DRD4: variants seen among roughly 807,000 people sequenced by gnomAD.
DRD4 encodes dopamine receptor D4.
DRD4 carries 26 observed loss-of-function variants against 22.1 expected under a neutral mutation model. The observed-to-expected ratio is 1.17, with a 90% CI of 0.86 to 1.63. The LOEUF (loss-of-function observed/expected upper bound fraction) is 1.63, where lower values mean the gene tolerates loss of function less well. Ranked by LOEUF, DRD4 falls within the 40% of genes most tolerant of loss-of-function variation. The pLI is 0.00. For missense variants in DRD4, 913 were observed against 632.4 expected, an observed-to-expected ratio of 1.44 and a Z score of -4.76; for synonymous variants, 455 against 306.7, an observed-to-expected ratio of 1.48 and a Z score of -5.05.
Position 640,090 on chromosome 11 carries a change from G to A in DRD4, c.841G>A (p.Ala281Thr), listed in dbSNP as rs3889692. 3.7e-5 allele frequency: 31 copies of A among 836,100 alleles called. 4 individuals are homozygous for A. In the South Asian group the frequency reaches 6.9e-4, roughly 19 times the overall value. The allele number at this position is 836,100 out of a possible 1,614,324, so 51.8% of individuals were successfully genotyped here. Reference protein sequence around the residue: ...RGPCGPDCAPAAPSLPQDPCG... With the variant: ...RGPCGPDCAPTAPSLPQDPCG... ...TCCCTGCGGCCCCGACTGTGCGCCC[G>A]CCGCGCCCAGCCTCCCCCAGGACCC... Residue 281 changes from alanine to threonine, a missense_variant, in exon 3 of 4, where the codon GCC becomes ACC. Transcript: ENST00000176183.
chr11:637,933 G>A (rs72844728), intron 1 of DRD4, among the ~76,000 whole-genome samples: 34,773 of 152,134 alleles, frequency 0.23, 4,491 homozygotes, highest in Middle Eastern at 0.34. Flanking sequence ...CACCTCCAGG[G>A]CAGCCAGCTG....
At chr11:639,320 C>G in intron 1 of DRD4, 113 bp from the exon 2 acceptor site, 1 of 1,011,588 alleles carries the variant, frequency 9.9e-7, no homozygotes. Flanking sequence ...CTCTGGCTCA[C>G]AGCCGGGCCC....
At position 639,522 on chromosome 11, in the gene DRD4, C is replaced by T. The variant is rs776407302; in HGVS notation, c.375C>T (p.Asn125=). The T allele has an allele frequency of 3.7e-5, 60 of 1,600,726 alleles. No homozygotes were observed. The highest frequency in any genetic ancestry group is 5.0e-5 in the Admixed American group (3 of 59,758). The change falls in exon 2 of 4, where the codon AAC becomes AAT. Residue 125 remains asparagine (N), a synonymous_variant. Transcript: ENST00000176183. ...DVMLCTASIF[N]LCAISVDRFV... ...TGCTGTGCACCGCCTCCATCTTCAA[C>T]CTGTGCGCCATCAGCGTGGACAGGT...
Position 637,350 on chromosome 11 carries a change from C to A in DRD4, c.46C>A (p.Arg16Ser). ...TADADGLLAGRGPAAGASAGA... is the reference protein window; with the variant it reads ...TADADGLLAGSGPAAGASAGA... ...GGACGCGGACGGGCTGCTGGCTGGG[C>A]GCGGGCCGGCCGCGGGGGCATCTGC... is the stretch of plus-strand genomic sequence containing the variant. The change falls in exon 1 of 4, where the codon CGC becomes AGC. Residue 16 changes from arginine to serine, a missense_variant. By Grantham distance (110) the Arg-to-Ser change is moderately radical. Coordinates refer to ENST00000176183, the MANE Select transcript of DRD4 (RefSeq NM_000797.4). 7.7e-7 allele frequency: 1 copy of A among 1,291,674 alleles called. No individual in the cohort carries two copies. Among genetic ancestry groups the A allele is most frequent in the Non-Finnish European group, 9.7e-7 (1 of 1,027,008 alleles). The allele number at this position is 1,291,674 out of a possible 1,614,324, so 80.0% of individuals were successfully genotyped here. A position where few individuals can be genotyped will look rare whatever the true frequency, so the allele number is the denominator to read the frequency against.
In DRD4 at chr11:637,545, C is replaced by T. The variant is rs766445930; in HGVS notation, c.241C>T (p.Leu81Phe). ...SFIVSLAAAD[L>F]LLALLVLPLF... ...CATCGTGAGCCTGGCGGCCGCCGACCTCCTCCTCGCTCTCCTGGTGCTGCC... is the reference window on the plus strand; with the variant it reads ...CATCGTGAGCCTGGCGGCCGCCGACTTCCTCCTCGCTCTCCTGGTGCTGCC... The change falls in exon 1 of 4, where the codon CTC becomes TTC. Residue 81 changes from leucine to phenylalanine, a missense_variant. By Grantham distance (22) the Leu-to-Phe change is conservative. Coordinates refer to ENST00000176183, the MANE Select transcript of DRD4 (RefSeq NM_000797.4). 1.3e-6 allele frequency: 2 copies of T among 1,523,522 alleles called. No individual in the cohort carries two copies. Among genetic ancestry groups the T allele is most frequent in the Non-Finnish European group, 1.8e-6 (2 of 1,125,852 alleles). 94.4% of individuals were successfully genotyped at this position (1,523,522 alleles called of 1,614,324 possible). A position where few individuals can be genotyped will look rare whatever the true frequency, so the allele number is the denominator to read the frequency against.
chr11:639,494 T>A lies in DRD4; in HGVS notation c.347T>A (p.Val116Asp), dbSNP rs761875546. The A allele has an allele frequency of 2.5e-6, 4 of 1,603,736 alleles. No homozygotes were observed. Among genetic ancestry groups the A allele is most frequent in the Non-Finnish European group, 3.4e-6 (4 of 1,179,046 alleles). The change falls in exon 2 of 4, where the codon GTC becomes GAC. Residue 116 changes from valine to aspartate, a missense_variant. Coordinates refer to ENST00000176183, the MANE Select transcript of DRD4 (RefSeq NM_000797.4). ...TGCGACGCCCTCATGGCCATGGACGTCATGCTGTGCACCGCCTCCATCTTC... is the reference window on the plus strand; with the variant it reads ...TGCGACGCCCTCATGGCCATGGACGACATGCTGTGCACCGCCTCCATCTTC... Reference protein sequence around the residue: ...RLCDALMAMDVMLCTASIFNL... With the variant: ...RLCDALMAMDDMLCTASIFNL...
At chr11:638,834 G>A (rs914115122) in intron 1 of DRD4, among the ~76,000 whole-genome samples, 1 of 152,326 alleles carries the variant, frequency 6.6e-6, no homozygotes, top group South Asian at 2.1e-4. Flanking sequence ...CGTGATTCAC[G>A]CCTGTAATCC....
rs996621902 is a variant in DRD4, at chr11:637,352, CG to C, written c.51del (p.Pro18ArgfsTer40). ...ADADGLLAGR[G>X]PAAGASAGAS... is the part of the protein sequence containing the mutation. ...ACGCGGACGGGCTGCTGGCTGGGCG[CG>C]GGCCGGCCGCGGGGGCATCTGCGGG... On this transcript the variant is annotated frameshift_variant, in exon 1 of 4. Transcript: ENST00000176183. LOFTEE classifies it high-confidence loss of function. 2.3e-6 allele frequency: 3 copies of C among 1,291,246 alleles called. No individual in the cohort carries two copies. The African/African-American group carries it at 4.7e-5, about 20-fold the overall frequency. 80.0% of individuals were successfully genotyped at this position (1,291,246 alleles called of 1,614,324 possible). A position where few individuals can be genotyped will look rare whatever the true frequency, so the allele number is the denominator to read the frequency against.
At position 637,590 on chromosome 11, in the gene DRD4, G is replaced by A. The variant is rs1858092986; in HGVS notation, c.285+1G>A. 6.5e-7 allele frequency: 1 copy of A among 1,546,290 alleles called. No individual in the cohort carries two copies. Among genetic ancestry groups the A allele is most frequent in the Non-Finnish European group, 8.7e-7 (1 of 1,149,670 alleles). ...GCTGCCGCTCTTCGTCTACTCCGAG[G>A]TGAGCCGCGTCCGGCCGCACGAGCA... is the stretch of plus-strand genomic sequence containing the variant. On this transcript the variant is annotated splice_donor_variant, in intron 1 of 3. Transcript: ENST00000176183. LOFTEE classifies it high-confidence loss of function.
rs1489204666 is a variant in DRD4, at chr11:640,482, G to A, written c.1139G>A (p.Arg380Gln). Residue 380 changes from arginine to glutamine, a missense_variant, in exon 4 of 4, where the codon CGG (arginine) becomes CAG (glutamine). Physicochemically the swap from Arg to Gln is conservative, Grantham distance 43. Coordinates refer to ENST00000176183, the MANE Select transcript of DRD4 (RefSeq NM_000797.4). ...TGTCCTGCCTGCTCCGTGCCCCCGC[G>A]GCTGGTCAGCGCCGTCACCTGGCTG... ...ALCPACSVPPRLVSAVTWLGY... is the reference protein window; with the variant it reads ...ALCPACSVPPQLVSAVTWLGY... 1.5e-5 allele frequency: 24 copies of A among 1,602,234 alleles called. No homozygotes were observed. The highest frequency in any genetic ancestry group is 2.0e-5 in the Non-Finnish European group (24 of 1,179,804).
In DRD4 at chr11:639,791, A is replaced by T; in HGVS notation, c.542A>T (p.Asp181Val). The change falls in exon 3 of 4, where the codon GAC becomes GTC. Residue 181 changes from aspartate to valine, a missense_variant. Transcript: ENST00000176183. ...LCGLNDVRGRDPAVCRLEDRD... is the reference protein window; with the variant it reads ...LCGLNDVRGRVPAVCRLEDRD... ...GGCCTCAACGACGTGCGCGGCCGCG[A>T]CCCCGCCGTGTGCCGCCTGGAGGAC... 1 of 1,578,378 alleles carries T rather than the reference A, an allele frequency of 6.3e-7. No homozygotes were observed. The highest frequency in any genetic ancestry group is 1.1e-5 in the South Asian group (1 of 89,030).
intron 3 of DRD4, 41 bp from the exon 4 acceptor site, chr11:640,360 G>C: frequency 6.3e-7 from 1 of 1,579,070 alleles, no homozygotes; most frequent in Non-Finnish European, 8.5e-7. Context: ...GTACGAGGCC[G>C]GCTGGGCGGG....
At position 639,904 on chromosome 11, in the gene DRD4, C is replaced by T. The variant is rs1858170547; in HGVS notation, c.655C>T (p.Leu219=). The T allele has an allele frequency of 1.9e-6, 3 of 1,565,290 alleles. No homozygotes were observed. In the South Asian group the frequency reaches 3.4e-5, roughly 18 times the overall value. ...GCTCTACTGGGCCACGTTCCGCGGC[C>T]TGCAGCGCTGGGAGGTGGCACGTCG... The part of the protein sequence containing the change: ...LLLYWATFRG[L]QRWEVARRAK... Residue 219 remains leucine (L), a synonymous_variant, in exon 3 of 4, where the codon CTG becomes TTG. Transcript: ENST00000176183.
At chr11:637,833 G>A (rs1005425179) in intron 1 of DRD4, among the ~76,000 whole-genome samples, 1 of 152,194 alleles carries the variant, frequency 6.6e-6, no homozygotes, top group Non-Finnish European at 1.5e-5. Context: ...CTGTCTTGGC[G>A]TCTGTTATCC....
chr11:639,026 T>G (rs1168518324), intron 1 of DRD4: 2 of 188,546 alleles, frequency 1.1e-5, no homozygotes, highest in Admixed American at 1.2e-4. Context: ...GAGGTTGCAG[T>G]GAGTTGAGAT....
Position 640,531 on chromosome 11 carries a change from C to A in DRD4, c.1188C>A (p.Asn396Lys). The change falls in exon 4 of 4, where the codon AAC becomes AAA. Residue 396 changes from asparagine (N) to lysine (K), a missense_variant. Physicochemically the swap from Asn to Lys is moderately conservative, Grantham distance 94 (BLOSUM62 0). Coordinates refer to ENST00000176183, the MANE Select transcript of DRD4 (RefSeq NM_000797.4). ...TWLGYVNSALNPVIYTVFNAE... is the reference protein window; with the variant it reads ...TWLGYVNSALKPVIYTVFNAE... The stretch of plus-strand genomic sequence containing the variant: ...TGGGCTACGTCAACAGCGCCCTCAA[C>A]CCCGTCATCTACACTGTCTTCAACG... 3 of 1,601,254 alleles carry A rather than the reference C, an allele frequency of 1.9e-6. No homozygotes were observed. Among genetic ancestry groups the A allele is most frequent in the Non-Finnish European group, 2.5e-6 (3 of 1,179,844 alleles).
In DRD4 at chr11:640,512, A is replaced by ACGTCAACAGCGCCCTCAACCC. The variant is rs1858215722; in HGVS notation, c.1175_1195dup (p.Asn392_Val398dup). 6.3e-7 allele frequency: 1 copy of ACGTCAACAGCGCCCTCAACCC among 1,598,684 alleles called. No individual in the cohort carries two copies. The highest frequency in any genetic ancestry group is 1.1e-5 in the South Asian group (1 of 90,922). On this transcript the variant is annotated inframe_insertion, in exon 4 of 4. Transcript: ENST00000176183. The stretch of plus-strand genomic sequence containing the variant: ...GTCAGCGCCGTCACCTGGCTGGGCT[A>ACGTCAACAGCGCCCTCAACCC]CGTCAACAGCGCCCTCAACCCCGTC...
intron 1 of DRD4, chr11:639,161 G>A (rs1858138177): frequency 4.0e-6 from 2 of 498,154 alleles, no homozygotes; most frequent in Non-Finnish European, 7.3e-6. Flanking sequence ...AGACTGAGGT[G>A]GGAGGATCGC....
chr11:637,668 G>A, intron 1 of DRD4, 79 bp downstream of exon 1: 3 of 1,531,900 alleles, frequency 2.0e-6, no homozygotes, highest in East Asian at 2.5e-5. Context: ...GACCCGGCGC[G>A]ACCCGGCCCC....
Sources: gnomAD v4.1 joint callset for allele counts (sites outside exome capture counted in the v4.1 genomes callset) on GRCh38, gnomAD v4.1.1 for gene constraint, MANE v1.5 for transcripts, NCBI Gene and HGNC (gene_info 2026-07-23, HGNC 2026-07-21) for gene names.